The following ENKUR variants were observed in gnomAD, a reference collection of about 807,000 sequenced individuals.
ENKUR encodes the protein enkurin.
ENKUR carries 19 observed loss-of-function variants against 27.6 expected under a neutral mutation model. The ratio of observed to expected loss-of-function variants is 0.69; its 90% CI spans 0.48 to 1.01. The LOEUF is 1.01. ENKUR is among the 50% of genes least tolerant of loss of function. The pLI is 0.00. For missense variants in ENKUR, 312 were observed against 310.5 expected, an observed-to-expected ratio of 1.00 and a Z score of -0.04; for synonymous variants, 117 against 96.9, an observed-to-expected ratio of 1.21 and a Z score of -1.22.
intron 1 of ENKUR, among the ~76,000 whole-genome samples, chr10:25,004,770 T>A (rs964305481): frequency 6.6e-6 from 1 of 152,216 alleles, no homozygotes; most frequent in Non-Finnish European, 1.5e-5. Flanking sequence ...TTTAATTAGA[T>A]CCCATATGTC....
chr10:25,027,381 A>AAAC (rs1850876013), intron 2 of ENKUR, among the ~76,000 whole-genome samples: 1 of 140,522 alleles, frequency 7.1e-6, no homozygotes, highest in African/African-American at 2.7e-5. Flanking sequence ...AAAAAAAAAA[A>AAAC]AAAAAACTAG....
chr10:25,053,203 C>T (rs1030923380), intron 2 of ENKUR, among the ~76,000 whole-genome samples: 1 of 151,916 alleles, frequency 6.6e-6, no homozygotes, highest in South Asian at 2.1e-4. Flanking sequence ...TTATGCAGCA[C>T]AAAGTGACAT....
chr10:25,030,058 TC>T (rs967040202), intron 2 of ENKUR, among the ~76,000 whole-genome samples: 12 of 152,216 alleles, frequency 7.9e-5, no homozygotes. Context: ...TTTATCTTTT[TC>T]TTGAAGATTT....
upstream of ENKUR, among the ~76,000 whole-genome samples, chr10:25,018,781 A>G (rs1288795131): frequency 2.7e-5 from 4 of 149,434 alleles, no homozygotes; most frequent in South Asian, 2.1e-4. Context: ...CAGGTTCTTT[A>G]TAATTCTCAA....
intron 1 of ENKUR, among the ~76,000 whole-genome samples, chr10:25,010,360 C>T (rs1365376006): frequency 6.6e-6 from 1 of 152,062 alleles, no homozygotes; most frequent in Non-Finnish European, 1.5e-5. Context: ...AGCGGCAAAA[C>T]ATTCAAGAGG....
chr10:24,994,365 G>A (rs529424449), intron 3 of ENKUR, among the ~76,000 whole-genome samples: 9 of 134,816 alleles, frequency 6.7e-5, no homozygotes, highest in East Asian at 2.2e-4. Context: ...ACCGAGTCTC[G>A]CTCTGTCACC....
chr10:25,004,166 C>G (rs563269683), intron 1 of ENKUR, among the ~76,000 whole-genome samples: 1 of 152,254 alleles, frequency 6.6e-6, no homozygotes, highest in South Asian at 2.1e-4. Context: ...TTTTCTTTAT[C>G]CAGTCTATCA....
At chr10:24,987,466 C>T (rs949561367) in intron 4 of ENKUR, among the ~76,000 whole-genome samples, 4 of 151,398 alleles carry the variant, frequency 2.6e-5, no homozygotes, top group African/African-American at 7.3e-5. Context: ...GTCAGACTCC[C>T]TCTCTAAAAA....
upstream of ENKUR, among the ~76,000 whole-genome samples, chr10:25,021,065 G>A (rs541866772): frequency 9.9e-5 from 15 of 152,258 alleles, no homozygotes; most frequent in African/African-American, 3.1e-4. Context: ...TTCTTGATTC[G>A]TGGGTGAACA....
intron 3 of ENKUR, 66 bp from the exon 4 acceptor site, chr10:24,990,675 C>G: frequency 7.0e-7 from 1 of 1,427,520 alleles, no homozygotes; most frequent in Non-Finnish European, 9.5e-7. Flanking sequence ...GGGTACGTAT[C>G]AACTGATGAT....
intron 2 of ENKUR, chr10:25,024,225 A>G: frequency 1.2e-6 from 2 of 1,614,220 alleles, no homozygotes; most frequent in African/African-American, 2.7e-5. Context: ...GGCACCTTTC[A>G]GGCAACCAGT....
At chr10:25,057,339 G>A (rs1394869278) in intron 2 of ENKUR, among the ~76,000 whole-genome samples, 1 of 151,226 alleles carries the variant, frequency 6.6e-6, no homozygotes, top group Non-Finnish European at 1.5e-5. Context: ...CACTCTGTGA[G>A]GGACTAAGAT....
At chr10:25,014,623 C>T (rs1213493500) in intron 1 of ENKUR, among the ~76,000 whole-genome samples, 2 of 152,072 alleles carry the variant, frequency 1.3e-5, no homozygotes, top group African/African-American at 2.4e-5. Context: ...TATAGAAATA[C>T]AATCTACCAA....
At chr10:25,052,179 C>A (rs1851193779) in intron 2 of ENKUR, among the ~76,000 whole-genome samples, 1 of 151,928 alleles carries the variant, frequency 6.6e-6, no homozygotes, top group Non-Finnish European at 1.5e-5. Flanking sequence ...GTGGGAGAGT[C>A]TAATAAGTGA....
chr10:25,018,567 G>A (rs1055984530), upstream of ENKUR, among the ~76,000 whole-genome samples: 1 of 151,980 alleles, frequency 6.6e-6, no homozygotes, highest in African/African-American at 2.4e-5. Context: ...AATGATGGTG[G>A]GCCAGATTTA....
intron 2 of ENKUR, among the ~76,000 whole-genome samples, chr10:25,028,529 T>A (rs1313566074): frequency 6.6e-6 from 1 of 152,210 alleles, no homozygotes; most frequent in Non-Finnish European, 1.5e-5. Flanking sequence ...ACTTCTCCCC[T>A]TCTGTGTAAC....
intron 2 of ENKUR, among the ~76,000 whole-genome samples, chr10:24,996,802 G>C (rs975438702): frequency 6.6e-6 from 1 of 152,114 alleles, no homozygotes; most frequent in Admixed American, 6.5e-5. Flanking sequence ...CCTCTTGTTA[G>C]GGGCTGAGTT....
intron 2 of ENKUR, among the ~76,000 whole-genome samples, chr10:25,054,767 C>T (rs1019628368): frequency 4.6e-5 from 7 of 151,538 alleles, no homozygotes; most frequent in African/African-American, 2.4e-5. Flanking sequence ...ACTGCAGCCT[C>T]GACCTACTAG....
chr10:25,013,226 T>C (rs374738729), intron 1 of ENKUR, among the ~76,000 whole-genome samples: 17 of 152,326 alleles, frequency 1.1e-4, no homozygotes, highest in East Asian at 3.9e-4. Context: ...ATGTCTTTAT[T>C]AGCAGCGTGA....
Sources: gnomAD v4.1 joint callset for allele counts (sites outside exome capture counted in the v4.1 genomes callset) on GRCh38, gnomAD v4.1.1 for gene constraint, MANE v1.5 for transcripts, NCBI Gene and HGNC (gene_info 2026-07-23, HGNC 2026-07-21) for gene names.